GRIK1: variants seen among roughly 807,000 people sequenced by gnomAD.
GRIK1 encodes glutamate ionotropic receptor kainate type subunit 1, also known as glutamate receptor ionotropic, kainate 1.
In GRIK1, 69 loss-of-function variants were observed where a neutral mutation model predicts 105.7. That is an observed-to-expected ratio of 0.65 (90% CI 0.54 to 0.80). The LOEUF (loss-of-function observed/expected upper bound fraction) is 0.80, where lower values mean the gene tolerates loss of function less well. Among genes scored for constraint, GRIK1 ranks in the 30% least tolerant of loss-of-function variants. GRIK1 has a pLI of 0.00. For synonymous variants in GRIK1, 438 were observed against 431.3 expected (o/e 1.02, Z -0.19); for missense variants, 1,109 against 1,167.3 (o/e 0.95, Z 0.73).
intron 16 of GRIK1, among the ~76,000 whole-genome samples, chr21:29,546,581 C>G (rs901689672): frequency 1.8e-4 from 28 of 152,202 alleles, no homozygotes; most frequent in African/African-American, 3.4e-4. Context: ...TTGTGACTTT[C>G]CTCCAATTTT....
chr21:29,715,088 A>C (rs543073586), intron 1 of GRIK1, among the ~76,000 whole-genome samples: 13 of 152,248 alleles, frequency 8.5e-5, no homozygotes, highest in African/African-American at 3.1e-4. Context: ...TAACCAACCT[A>C]TCTCTCATAA....
chr21:29,829,729 A>G (rs2067573177), intron 1 of GRIK1, among the ~76,000 whole-genome samples: 1 of 152,196 alleles, frequency 6.6e-6, no homozygotes, highest in Non-Finnish European at 1.5e-5. Context: ...GCTGTCAGAT[A>G]TGAATTATTC....
At chr21:29,754,497 G>A (rs967704718) in intron 1 of GRIK1, among the ~76,000 whole-genome samples, 1 of 152,190 alleles carries the variant, frequency 6.6e-6, no homozygotes, top group Non-Finnish European at 1.5e-5. Flanking sequence ...GATCATGAAA[G>A]CATAATTTCC....
chr21:29,813,323 C>T (rs2067062626), intron 1 of GRIK1, among the ~76,000 whole-genome samples: 1 of 152,136 alleles, frequency 6.6e-6, no homozygotes, highest in South Asian at 2.1e-4. Context: ...GCATTTGGCA[C>T]TTTACCCAAA....
chr21:29,786,763 C>T (rs1019715262), intron 1 of GRIK1, among the ~76,000 whole-genome samples: 1 of 152,178 alleles, frequency 6.6e-6, no homozygotes, highest in East Asian at 1.9e-4. Context: ...CCATTTAGGG[C>T]ACCCTACAAC....
At chr21:29,817,711 A>C (rs1470118037) in intron 1 of GRIK1, among the ~76,000 whole-genome samples, 3 of 152,148 alleles carry the variant, frequency 2.0e-5, no homozygotes, top group African/African-American at 7.2e-5. Context: ...ATCACAGCAG[A>C]CCTGCAGCCA....
chr21:29,907,931 A>G (rs893401501), intron 1 of GRIK1, among the ~76,000 whole-genome samples: 1 of 152,158 alleles, frequency 6.6e-6, no homozygotes, highest in African/African-American at 2.4e-5. Context: ...TTTAAGTTTT[A>G]CTATTGTTTT....
chr21:29,715,028 T>C (rs1478043728), intron 1 of GRIK1, among the ~76,000 whole-genome samples: 1 of 152,216 alleles, frequency 6.6e-6, no homozygotes, highest in Non-Finnish European at 1.5e-5. Context: ...TAGTGAATTG[T>C]AGCATGATAT....
chr21:29,809,808 C>T (rs2066961926), intron 1 of GRIK1, among the ~76,000 whole-genome samples: 1 of 152,132 alleles, frequency 6.6e-6, no homozygotes, highest in Non-Finnish European at 1.5e-5. Context: ...TTCACTTAAA[C>T]ACCTAGAGGC....
At chr21:29,675,266 A>G (rs559583296) in intron 3 of GRIK1, among the ~76,000 whole-genome samples, 1 of 152,256 alleles carries the variant, frequency 6.6e-6, no homozygotes, top group South Asian at 2.1e-4. Context: ...GGGAACAGAT[A>G]TGGCTTAGGA....
chr21:29,737,213 C>T (rs144903159), intron 1 of GRIK1, among the ~76,000 whole-genome samples: 62 of 152,194 alleles, frequency 4.1e-4, no homozygotes, highest in East Asian at 2.9e-3. Flanking sequence ...ATGGTCTTGG[C>T]GAGACTCTGG....
chr21:29,847,511 T>C (rs1323204784), intron 1 of GRIK1, among the ~76,000 whole-genome samples: 2 of 152,172 alleles, frequency 1.3e-5, no homozygotes, highest in African/African-American at 4.8e-5. Flanking sequence ...GGAGAATCCC[T>C]TGAACCTGGG....
intron 1 of GRIK1, among the ~76,000 whole-genome samples, chr21:29,798,839 A>G (rs1374446918): frequency 2.0e-5 from 3 of 152,192 alleles, no homozygotes; most frequent in African/African-American, 7.2e-5. Flanking sequence ...ATGACACTAT[A>G]TAGTCCGAAG....
At chr21:29,895,663 C>G (rs1411805700) in intron 1 of GRIK1, among the ~76,000 whole-genome samples, 1 of 152,180 alleles carries the variant, frequency 6.6e-6, no homozygotes. Flanking sequence ...TTGTCTATAG[C>G]ACTTGTTGCA....
chr21:29,686,836 T>C lies in GRIK1; in HGVS notation c.544+2892A>G, dbSNP rs3026003. On this transcript the variant is annotated intron_variant, in intron 3 of 17. Coordinates refer to ENST00000327783, the MANE Select transcript of GRIK1 (RefSeq NM_001330994.2). ...CTGCTGAATATGCCACACACTGCAG[T>C]TGAGGCTCAGCTTCTCAGCTCTTTT... Among the ~76,000 whole-genome samples the C allele has an allele frequency of 1.9e-3, 283 of 152,308 alleles. 1 individual carries two copies. Among genetic ancestry groups the C allele is most frequent in the African/African-American group, 6.5e-3 (269 of 41,572 alleles).
chr21:29,688,174 A>G (rs1357772303), intron 3 of GRIK1, among the ~76,000 whole-genome samples: 1 of 152,134 alleles, frequency 6.6e-6, no homozygotes, highest in Non-Finnish European at 1.5e-5. Context: ...TCTTGATGGG[A>G]CTGTTTCGAA....
At chr21:29,766,130 T>C (rs1385845277) in intron 1 of GRIK1, among the ~76,000 whole-genome samples, 1 of 152,176 alleles carries the variant, frequency 6.6e-6, no homozygotes, top group Non-Finnish European at 1.5e-5. Flanking sequence ...ATTACAGGCA[T>C]GAGCCACCGT....
At chr21:29,905,748 T>A (rs1478140607) in intron 1 of GRIK1, among the ~76,000 whole-genome samples, 1 of 137,774 alleles carries the variant, frequency 7.3e-6, no homozygotes, top group Non-Finnish European at 1.5e-5. Context: ...TGCCTCAGCC[T>A]CCGAAGTAGC....
At chr21:29,782,340 C>T (rs193254504) in intron 1 of GRIK1, among the ~76,000 whole-genome samples, 3 of 152,280 alleles carry the variant, frequency 2.0e-5, no homozygotes, top group African/African-American at 7.2e-5. Context: ...CCCTCCTTGG[C>T]CTCCCAAAGT....
Sources: allele counts gnomAD v4.1 joint callset (sites outside exome capture counted in the v4.1 genomes callset), GRCh38; gene constraint gnomAD v4.1.1; transcripts MANE v1.5; gene names NCBI Gene and HGNC (gene_info 2026-07-23, HGNC 2026-07-21).